Variants in TRAPPC9 observed in about 807,000 individuals in gnomAD.
The protein encoded by TRAPPC9 is IKK2 binding protein.
Under a neutral mutation model 124.0 loss-of-function variants are expected in TRAPPC9, and 83 were observed. The ratio of observed to expected loss-of-function variants is 0.67; its 90% CI spans 0.56 to 0.80. The LOEUF is 0.80. TRAPPC9 is among the 30% of genes least tolerant of loss of function. The pLI, the probability that TRAPPC9 is intolerant of heterozygous loss-of-function variation, is 0.00. For missense variants in TRAPPC9, 1,302 were observed against 1,508.3 expected (o/e 0.86, Z 2.27); for synonymous variants, 638 against 617.5 (o/e 1.03, Z -0.49).
intron 17 of TRAPPC9, among the ~76,000 whole-genome samples, chr8:140,213,319 C>A (rs2063109852): frequency 6.6e-6 from 1 of 152,022 alleles, no homozygotes; most frequent in Admixed American, 6.5e-5. Context: ...TCAGTTTTCA[C>A]ATTTATTAGC....
intron 17 of TRAPPC9, among the ~76,000 whole-genome samples, chr8:140,162,710 C>A (rs1393577704): frequency 6.6e-6 from 1 of 152,148 alleles, no homozygotes; most frequent in African/African-American, 2.4e-5. Context: ...GTTACAGGGG[C>A]CGGCACAGTG....
chr8:140,329,119 T>A (rs983137642), intron 9 of TRAPPC9, among the ~76,000 whole-genome samples: 4 of 151,936 alleles, frequency 2.6e-5, no homozygotes, highest in African/African-American at 7.3e-5. Flanking sequence ...CCAGGTAGAA[T>A]GTGAAGGTGA....
At chr8:140,088,466 C>T (rs7816215) in intron 17 of TRAPPC9, among the ~76,000 whole-genome samples, 24,973 of 152,212 alleles carry the variant, frequency 0.16, 3,961 homozygotes, top group African/African-American at 0.41. Flanking sequence ...TCCGCTTAAA[C>T]ACACAACGAG....
chr8:140,331,295 T>C (rs908956172), intron 9 of TRAPPC9, among the ~76,000 whole-genome samples: 15 of 152,154 alleles, frequency 9.9e-5, no homozygotes, highest in African/African-American at 3.6e-4. Flanking sequence ...TAGACCTCTA[T>C]GTGCCACTAT....
chr8:140,404,906 A>ATG (rs1312577613), intron 6 of TRAPPC9, among the ~76,000 whole-genome samples: 4 of 59,726 alleles, frequency 6.7e-5, no homozygotes, highest in Admixed American at 2.3e-4. Context: ...GTGTGTGAGC[A>ATG]TGCGTGTGTG....
At chr8:140,027,991 A>G (rs1323183399) in intron 17 of TRAPPC9, among the ~76,000 whole-genome samples, 1 of 152,138 alleles carries the variant, frequency 6.6e-6, no homozygotes, top group Admixed American at 6.5e-5. Flanking sequence ...TCAAGATGAG[A>G]TTTGGGTGGG....
At chr8:140,271,470 AAG>A (rs1195554887) in intron 15 of TRAPPC9, among the ~76,000 whole-genome samples, 3 of 152,192 alleles carry the variant, frequency 2.0e-5, no homozygotes, top group Admixed American at 6.5e-5. Context: ...GCGTCCAACA[AAG>A]AGCTCACACC....
At chr8:140,295,103 C>G (rs968726599) in intron 11 of TRAPPC9, among the ~76,000 whole-genome samples, 3 of 152,192 alleles carry the variant, frequency 2.0e-5, no homozygotes, top group Non-Finnish European at 4.4e-5. Flanking sequence ...ATGCTGTCAT[C>G]TGTGGACCCA....
chr8:140,228,176 C>T (rs1476006715), intron 16 of TRAPPC9, among the ~76,000 whole-genome samples: 1 of 152,230 alleles, frequency 6.6e-6, no homozygotes, highest in Non-Finnish European at 1.5e-5. Context: ...ATACATTTTA[C>T]TCTCTTGTGA....
chr8:140,196,066 A>G (rs1045569568), intron 17 of TRAPPC9, among the ~76,000 whole-genome samples: 2 of 50,294 alleles, frequency 4.0e-5, no homozygotes, highest in Non-Finnish European at 8.1e-5. Context: ...ATTCACATAC[A>G]GACCACACCT....
chr8:139,780,142 T>A (rs1028023072), intron 21 of TRAPPC9, among the ~76,000 whole-genome samples: 1 of 152,154 alleles, frequency 6.6e-6, no homozygotes, highest in Non-Finnish European at 1.5e-5. Context: ...AATCCAACCG[T>A]GGACATTGAA....
intron 20 of TRAPPC9, among the ~76,000 whole-genome samples, chr8:139,909,288 T>C (rs1325583549): frequency 6.6e-6 from 1 of 152,170 alleles, no homozygotes; most frequent in African/African-American, 2.4e-5. Flanking sequence ...TTTCCTACCT[T>C]TGTCCCCTTA....
chr8:139,880,110 A>G (rs1805161277), intron 21 of TRAPPC9, among the ~76,000 whole-genome samples: 1 of 152,212 alleles, frequency 6.6e-6, no homozygotes, highest in Non-Finnish European at 1.5e-5. Flanking sequence ...ATGCTCAAAG[A>G]GAAGACTCTG....
chr8:140,020,020 G>GT (rs534157419), intron 18 of TRAPPC9, among the ~76,000 whole-genome samples: 321 of 147,372 alleles, frequency 2.2e-3, no homozygotes, highest in Non-Finnish European at 3.7e-3. Flanking sequence ...TGTTTTGTAT[G>GT]TTTTATGATT....
At chr8:140,026,968 C>A (rs1193626893) in intron 17 of TRAPPC9, among the ~76,000 whole-genome samples, 1 of 152,146 alleles carries the variant, frequency 6.6e-6, no homozygotes, top group Non-Finnish European at 1.5e-5. Flanking sequence ...CCTGTCATCT[C>A]CAAAGGGCTG....
intron 20 of TRAPPC9, among the ~76,000 whole-genome samples, chr8:139,903,697 T>C (rs946662407): frequency 1.3e-5 from 2 of 152,208 alleles, no homozygotes; most frequent in African/African-American, 4.8e-5. Flanking sequence ...GCAGCTGAGC[T>C]GGTAGCCATT....
At chr8:140,105,327 T>C (rs1039169317) in intron 17 of TRAPPC9, among the ~76,000 whole-genome samples, 19 of 152,336 alleles carry the variant, frequency 1.2e-4, no homozygotes, top group African/African-American at 4.6e-4. Flanking sequence ...TCAGCACTTC[T>C]CTTGAGACTT....
intron 16 of TRAPPC9, among the ~76,000 whole-genome samples, chr8:140,242,869 G>GA (rs2063893306): frequency 6.6e-6 from 1 of 152,214 alleles, no homozygotes; most frequent in African/African-American, 2.4e-5. Context: ...TCCCAAGGAT[G>GA]AGTAAGTGGC....
intron 17 of TRAPPC9, among the ~76,000 whole-genome samples, chr8:140,157,572 C>A (rs144534290): frequency 9.8e-4 from 150 of 152,310 alleles, no homozygotes; most frequent in Non-Finnish European, 1.8e-3. Flanking sequence ...GTCGTCCAAT[C>A]TGGGGCTAAG....
Sources: allele counts gnomAD v4.1 joint callset (sites outside exome capture counted in the v4.1 genomes callset), GRCh38; gene constraint gnomAD v4.1.1; transcripts MANE v1.5; gene names NCBI Gene and HGNC (gene_info 2026-07-23, HGNC 2026-07-21).